LRRC4C: variants seen among roughly 807,000 people sequenced by gnomAD.
The protein encoded by LRRC4C is leucine-rich repeat-containing protein 4C.
LRRC4C carries 5 observed loss-of-function variants against 33.6 expected under a neutral mutation model. The ratio of observed to expected loss-of-function variants is 0.15; its 90% CI spans 0.08 to 0.31. The LOEUF (loss-of-function observed/expected upper bound fraction) is 0.31. LRRC4C is among the 10% of genes least tolerant of loss of function. The pLI, the probability that LRRC4C is intolerant of heterozygous loss-of-function variation, is 1.00. For missense variants in LRRC4C, 560 were observed against 796.7 expected, an observed-to-expected ratio of 0.70 and a Z score of 3.58; for synonymous variants, 329 against 302.0, an observed-to-expected ratio of 1.09 and a Z score of -0.93.
intron 1 of LRRC4C, among the ~76,000 whole-genome samples, chr11:41,047,606 AT>A (rs1590348462): frequency 6.6e-6 from 1 of 152,134 alleles, no homozygotes; most frequent in Non-Finnish European, 1.5e-5. Flanking sequence ...TTTAAAAAAG[AT>A]TACCTTAACT....
At chr11:40,862,740 A>G (rs1444435888) in intron 2 of LRRC4C, among the ~76,000 whole-genome samples, 5 of 152,202 alleles carry the variant, frequency 3.3e-5, no homozygotes, top group Non-Finnish European at 5.9e-5. Context: ...TCTGTCACCT[A>G]GACCCACAAT....
At chr11:40,784,080 T>TTTTATA (rs1554959488) in intron 2 of LRRC4C, among the ~76,000 whole-genome samples, 9 of 150,688 alleles carry the variant, frequency 6.0e-5, no homozygotes, top group African/African-American at 2.0e-4. Context: ...AGATGTTTAT[T>TTTTATA]TATATATATA....
intron 3 of LRRC4C, among the ~76,000 whole-genome samples, chr11:40,545,620 A>G (rs1431618487): frequency 1.3e-5 from 2 of 151,950 alleles, no homozygotes; most frequent in Non-Finnish European, 2.9e-5. Context: ...TTGCTGTGTT[A>G]GATAAGTTAA....
chr11:41,387,407 C>A (rs1479870628), intron 1 of LRRC4C, among the ~76,000 whole-genome samples: 2 of 151,550 alleles, frequency 1.3e-5, no homozygotes, highest in Non-Finnish European at 3.0e-5. Context: ...AAAGAGTTTT[C>A]TAAATCACAG....
At chr11:41,331,082 G>C (rs530182300) in intron 1 of LRRC4C, among the ~76,000 whole-genome samples, 1 of 152,128 alleles carries the variant, frequency 6.6e-6, no homozygotes, top group Non-Finnish European at 1.5e-5. Context: ...AATAAGCAGA[G>C]GGTCCAACAT....
intron 1 of LRRC4C, among the ~76,000 whole-genome samples, chr11:41,113,786 GT>G (rs1010227345): frequency 7.4e-5 from 11 of 148,886 alleles, no homozygotes; most frequent in East Asian, 4.0e-4. Flanking sequence ...TGTTTCATGA[GT>G]TTTTTTTTTA....
intron 4 of LRRC4C, among the ~76,000 whole-genome samples, chr11:40,289,177 G>A (rs892740067): frequency 2.0e-5 from 3 of 152,112 alleles, no homozygotes; most frequent in African/African-American, 7.2e-5. Context: ...TATTTTACAT[G>A]TATTGGTGCT....
At chr11:41,436,077 G>A (rs530521952) in intron 1 of LRRC4C, among the ~76,000 whole-genome samples, 4 of 152,204 alleles carry the variant, frequency 2.6e-5, no homozygotes, top group East Asian at 1.9e-4. Flanking sequence ...GGTGATGGAC[G>A]CCTGTAATCC....
chr11:40,561,882 C>T (rs763098357), intron 3 of LRRC4C, among the ~76,000 whole-genome samples: 38 of 152,180 alleles, frequency 2.5e-4, no homozygotes, highest in Non-Finnish European at 3.4e-4. Context: ...TTAATGGAGC[C>T]GAAATTGACA....
intron 1 of LRRC4C, among the ~76,000 whole-genome samples, chr11:41,287,666 T>C (rs1427242458): frequency 2.0e-5 from 3 of 152,102 alleles, no homozygotes; most frequent in African/African-American, 7.2e-5. Context: ...AAAACAGAGT[T>C]TTTAATCCAC....
chr11:40,691,500 A>G (rs927654210), intron 2 of LRRC4C, among the ~76,000 whole-genome samples: 1 of 152,172 alleles, frequency 6.6e-6, no homozygotes, highest in African/African-American at 2.4e-5. Context: ...AACTAGAGAA[A>G]AAATGTAAAA....
At chr11:40,553,132 C>T (rs909671532) in intron 3 of LRRC4C, among the ~76,000 whole-genome samples, 3 of 151,914 alleles carry the variant, frequency 2.0e-5, no homozygotes, top group African/African-American at 4.8e-5. Context: ...ATTAGCCCGG[C>T]GTAGTGACAG....
intron 3 of LRRC4C, among the ~76,000 whole-genome samples, chr11:40,386,125 A>G (rs10837393): frequency 0.36 from 54,050 of 151,788 alleles, 10,674 homozygotes; most frequent in East Asian, 0.5. Flanking sequence ...GTGTCAGAAA[A>G]TAAGCCTCAC....
intron 1 of LRRC4C, among the ~76,000 whole-genome samples, chr11:41,281,042 T>TTCTCTCTCTCTCTCTCTCTC (rs71063910): frequency 0.01 from 771 of 75,938 alleles, 77 homozygotes; most frequent in East Asian, 0.028. Context: ...AATACATATT[T>TTCTCTCTCTCTCTCTCTCTC]TCTCTCTCTC....
intron 3 of LRRC4C, among the ~76,000 whole-genome samples, chr11:40,510,402 A>G (rs1955254482): frequency 6.6e-6 from 1 of 151,992 alleles, no homozygotes; most frequent in African/African-American, 2.4e-5. Context: ...TAACAAACAC[A>G]TGTGCATACA....
chr11:41,415,376 A>T (rs1316966133), intron 1 of LRRC4C, among the ~76,000 whole-genome samples: 1 of 152,142 alleles, frequency 6.6e-6, no homozygotes, highest in Non-Finnish European at 1.5e-5. Flanking sequence ...ATTTCCAAAG[A>T]GGAGTCCCCG....
chr11:40,677,308 C>T (rs1204794225), intron 2 of LRRC4C, among the ~76,000 whole-genome samples: 1 of 152,092 alleles, frequency 6.6e-6, no homozygotes, highest in African/African-American at 2.4e-5. Flanking sequence ...ATTGCTTGAA[C>T]CTGGGAGGCG....
At chr11:40,611,763 G>C (rs1337128751) in intron 3 of LRRC4C, among the ~76,000 whole-genome samples, 3 of 151,764 alleles carry the variant, frequency 2.0e-5, no homozygotes, top group Admixed American at 6.6e-5. Flanking sequence ...TGTGTGAATA[G>C]ATGCTCGACA....
At chr11:41,224,856 C>T (rs1947460692) in intron 1 of LRRC4C, among the ~76,000 whole-genome samples, 1 of 151,940 alleles carries the variant, frequency 6.6e-6, no homozygotes, top group African/African-American at 2.4e-5. Context: ...TTTACAATAG[C>T]CAAGATTAGG....
Sources: allele counts gnomAD v4.1 joint callset (sites outside exome capture counted in the v4.1 genomes callset), GRCh38; gene constraint gnomAD v4.1.1; transcripts MANE v1.5; gene names NCBI Gene and HGNC (gene_info 2026-07-23, HGNC 2026-07-21).